ERAP1: variants seen among roughly 807,000 people sequenced by gnomAD.
ERAP1 encodes the protein adipocyte-derived leucine aminopeptidase.
ERAP1 carries 86 observed loss-of-function variants against 103.7 expected under a neutral mutation model. The observed-to-expected ratio is 0.83, with a 90% CI of 0.70 to 0.99. The LOEUF is 0.99. Ranked by LOEUF, ERAP1 falls within the 50% of genes least tolerant of loss-of-function variation. The pLI, the probability that ERAP1 is intolerant of heterozygous loss-of-function variation, is 0.00. For missense variants in ERAP1, 1,009 were observed against 1,128.4 expected (o/e 0.89, Z 1.52); for synonymous variants, 398 against 402.4 (o/e 0.99, Z 0.13).
At chr5:96,874,910 T>C in the ERAP1 span, among the ~76,000 whole-genome samples, 3 of 152,170 alleles carry the variant, frequency 2.0e-5, no homozygotes, top group Non-Finnish European at 4.4e-5. Flanking sequence ...CAATAGAAAT[T>C]GTATGGATGT....
intron 19 of ERAP1, chr5:96,767,302 A>G (rs933577098): frequency 3.2e-6 from 2 of 630,090 alleles, no homozygotes; most frequent in Non-Finnish European, 5.6e-6. Flanking sequence ...GTGGGGACTC[A>G]GGTTTATTAG....
At chr5:96,896,567 C>A in the ERAP1 span, 1 of 1,567,818 alleles carries the variant, frequency 6.4e-7, no homozygotes. Context: ...ACTATAGAAT[C>A]AGCAGTTTAA....
chr5:96,765,981 T>C, intron 19 of ERAP1: 3 of 862,036 alleles, frequency 3.5e-6, no homozygotes. Flanking sequence ...TGCTGAATGC[T>C]GCATTTGACA....
At chr5:96,774,442 T>C (rs1388732039), downstream of ERAP1, 8 of 911,814 alleles carry the variant, frequency 8.8e-6, no homozygotes, top group African/African-American at 1.8e-5. Flanking sequence ...CAGCCCTTTT[T>C]ACAGTCTAGT....
chr5:96,863,430 T>G, the ERAP1 span, among the ~76,000 whole-genome samples: 2 of 152,318 alleles, frequency 1.3e-5, no homozygotes, highest in Admixed American at 1.3e-4. Flanking sequence ...TCAGTGGGTT[T>G]TTCTCAATCA....
In ERAP1 at chr5:96,785,841, T is replaced by C. The variant is rs755480699; in HGVS notation, c.1890A>G (p.Ala630=). The part of the protein sequence containing the change: ...LTGLLKGTHT[A]VSSNDRASLI... ...GACTCGCCCGATCATTACTGCTGAC[T>C]GCTGTGTGTGTTCCTTTTAAAAGGC... The change falls in exon 13 of 19, where the codon GCA becomes GCG. Residue 630 remains alanine, a synonymous_variant. Coordinates refer to ENST00000443439, the MANE Select transcript of ERAP1 (RefSeq NM_001040458.3). 8.1e-6 allele frequency: 13 copies of C among 1,614,222 alleles called. No homozygotes were observed. Among genetic ancestry groups the C allele is most frequent in the Middle Eastern group, 1.6e-4 (1 of 6,062 alleles).
rs1413417751 is a variant in ERAP1, at chr5:96,775,314, G to A, written c.*1082C>T. On this transcript the variant is annotated 3_prime_UTR_variant, in exon 19 of 19. Coordinates refer to ENST00000443439, the MANE Select transcript of ERAP1 (RefSeq NM_001040458.3). ...AAGAATGTCCTATTTGCTAATATGA[G>A]CAAATATTTTGTTTCACAATGTACT... The A allele has an allele frequency of 1.0e-6, 1 of 985,308 alleles. No homozygotes were observed. Among genetic ancestry groups the A allele is most frequent in the Non-Finnish European group, 1.2e-6 (1 of 829,874 alleles). The allele number at this position is 985,308 out of a possible 1,614,324, so 61.0% of individuals were successfully genotyped here.
the ERAP1 span, among the ~76,000 whole-genome samples, chr5:96,930,183 C>A: frequency 1.3e-5 from 2 of 152,190 alleles, no homozygotes; most frequent in Non-Finnish European, 2.9e-5. Context: ...CCCCTAATAT[C>A]AACCAACCAC....
At chr5:96,909,577 CAGCGTT>C in the ERAP1 span, 1 of 1,612,032 alleles carries the variant, frequency 6.2e-7, no homozygotes. Flanking sequence ...ATATTTTCTG[CAGCGTT>C]ACCTTCTTCA....
the ERAP1 span, among the ~76,000 whole-genome samples, chr5:96,854,254 A>T: frequency 2.0e-5 from 3 of 152,244 alleles, no homozygotes; most frequent in Non-Finnish European, 4.4e-5. Flanking sequence ...AGCAGTGTCT[A>T]TCTGGCAAAT....
chr5:96,893,904 A>G, the ERAP1 span, among the ~76,000 whole-genome samples: 1 of 152,188 alleles, frequency 6.6e-6, no homozygotes, highest in Non-Finnish European at 1.5e-5. Flanking sequence ...TGAACATGCC[A>G]GGTTGTATCA....
the ERAP1 span, among the ~76,000 whole-genome samples, chr5:96,891,432 G>T: frequency 7.0e-6 from 1 of 143,732 alleles, no homozygotes; most frequent in African/African-American, 2.6e-5. Context: ...CACATATACA[G>T]GTACATATAT....
chr5:96,818,794 G>A, the ERAP1 span, among the ~76,000 whole-genome samples: 1 of 152,090 alleles, frequency 6.6e-6, no homozygotes, highest in Non-Finnish European at 1.5e-5. Context: ...TCACTTAAAG[G>A]AAGGTAGTGT....
chr5:96,874,164 AAGAAAGAAAGAAAGAAAG>A, the ERAP1 span, among the ~76,000 whole-genome samples: 75 of 92,838 alleles, frequency 8.1e-4, no homozygotes, highest in African/African-American at 3.2e-3. Context: ...GAAAGAAAGA[AAGAAAGAAAGAAAGAAAG>A]AGAGAGAGAA....
the ERAP1 span, among the ~76,000 whole-genome samples, chr5:96,879,201 G>A: frequency 2.0e-5 from 3 of 152,158 alleles, no homozygotes; most frequent in Non-Finnish European, 4.4e-5. Flanking sequence ...TCCTGCCTGG[G>A]CAACAGAGCA....
downstream of ERAP1, among the ~76,000 whole-genome samples, chr5:96,770,850 T>C (rs1471035109): frequency 6.6e-6 from 1 of 152,180 alleles, no homozygotes; most frequent in Non-Finnish European, 1.5e-5. Context: ...GTTTTGCCTG[T>C]CTTTCTTGCC....
At chr5:96,843,643 C>T in the ERAP1 span, among the ~76,000 whole-genome samples, 105,523 of 151,914 alleles carry the variant, frequency 0.69, 38,187 homozygotes, top group Non-Finnish European at 0.8. Context: ...GACCCTGTTT[C>T]CCTGCCTCAT....
chr5:96,786,688 TC>T, intron 11 of ERAP1, 139 bp from the exon 12 acceptor site: 1 of 642,254 alleles, frequency 1.6e-6, no homozygotes, highest in Non-Finnish European at 2.8e-6. Flanking sequence ...TCTCAAAACA[TC>T]CCCAGTCTGT....
chr5:96,795,765 G>T (rs1471178700), intron 4 of ERAP1, among the ~76,000 whole-genome samples: 1 of 152,108 alleles, frequency 6.6e-6, no homozygotes, highest in Non-Finnish European at 1.5e-5. Flanking sequence ...TTTCTCTCTG[G>T]AATAATCCAC....
Sources: gnomAD v4.1 joint callset for allele counts (sites outside exome capture counted in the v4.1 genomes callset) on GRCh38, gnomAD v4.1.1 for gene constraint, MANE v1.5 for transcripts, NCBI Gene and HGNC (gene_info 2026-07-23, HGNC 2026-07-21) for gene names.